Variants in INTS7 observed in about 807,000 individuals in gnomAD.
INTS7 encodes integrator complex subunit 7, also known as chromosome 1 open reading frame 73.
In INTS7, 46 loss-of-function variants were observed where a neutral mutation model predicts 109.2. The observed-to-expected ratio is 0.42, with a 90% CI of 0.33 to 0.54. The LOEUF is 0.54. Ranked by LOEUF, INTS7 falls within the 20% of genes least tolerant of loss-of-function variation. The pLI is 0.07. For synonymous variants in INTS7, 412 were observed against 402.9 expected, an observed-to-expected ratio of 1.02 and a Z score of -0.27; for missense variants, 929 against 1,132.4, an observed-to-expected ratio of 0.82 and a Z score of 2.58.
intron 8 of INTS7, among the ~76,000 whole-genome samples, 171 bp downstream of exon 8, chr1:211,987,715 T>C (rs1432271289): frequency 6.6e-6 from 1 of 152,172 alleles, no homozygotes; most frequent in Non-Finnish European, 1.5e-5. Context: ...CGAGATGTTG[T>C]TATCATAGGC....
Position 212,035,331 on chromosome 1 carries a change from C to G in INTS7, c.94+13G>C. ...ACGCCTGTTTCACCCATTCAGCCCT[C>G]TCTTTCGAATACCTTTGTCCAATTC... On this transcript the variant is annotated intron_variant, in intron 1 of 19. Coordinates refer to ENST00000366994, the MANE Select transcript of INTS7 (RefSeq NM_015434.4). 1 of 1,583,206 alleles carries G rather than the reference C, an allele frequency of 6.3e-7. No individual in the cohort carries two copies.
chr1:211,946,819 ACC>A lies in INTS7; in HGVS notation c.2317-116_2317-115del. ...CATATAGATTATTACAAAGGTACAT[ACC>A]AATCAAGAACTAGGCATCACATCCA... is the stretch of plus-strand genomic sequence containing the variant. On this transcript the variant is annotated intron_variant, in intron 17 of 19. Transcript: ENST00000366994. The surrounding 1 kb of genome is among the most constrained non-coding windows in gnomAD (Gnocchi z 4.3). The A allele has an allele frequency of 1.6e-6, 1 of 623,596 alleles. No homozygotes were observed. Among genetic ancestry groups the A allele is most frequent in the Middle Eastern group, 3.3e-4 (1 of 3,032 alleles). The allele number at this position is 623,596 out of a possible 1,614,324, so 38.6% of individuals were successfully genotyped here.
intron 8 of INTS7, 45 bp downstream of exon 8, chr1:211,987,841 G>A (rs1224290399): frequency 9.2e-7 from 1 of 1,088,786 alleles, no homozygotes. Flanking sequence ...TATGGATAAA[G>A]GAGTTAGCAC....
At chr1:211,966,978 G>A (rs751316777) in intron 15 of INTS7, among the ~76,000 whole-genome samples, 5 of 152,130 alleles carry the variant, frequency 3.3e-5, no homozygotes, top group Non-Finnish European at 5.9e-5. Context: ...CACATTTTGG[G>A]TGTCTCTGTA....
At chr1:212,017,050 A>G in intron 3 of INTS7, 27 bp from the exon 4 acceptor site, 1 of 1,536,390 alleles carries the variant, frequency 6.5e-7, no homozygotes, top group Non-Finnish European at 8.7e-7. Flanking sequence ...ACCCAAGAAG[A>G]TCGGGCATAA....
chr1:211,996,922 G>T (rs1319002431), intron 7 of INTS7, among the ~76,000 whole-genome samples: 5 of 152,082 alleles, frequency 3.3e-5, no homozygotes, highest in Non-Finnish European at 7.4e-5. Flanking sequence ...TCCTTGGTAG[G>T]TTGAAGTGTG....
At chr1:212,020,593 A>G in intron 2 of INTS7, 1 of 275,756 alleles carries the variant, frequency 3.6e-6, no homozygotes, top group Non-Finnish European at 5.9e-6. Flanking sequence ...CTTATTCCAC[A>G]ACTTCTTTTC....
rs1662603700 is a variant in INTS7, at chr1:211,941,026, T to C, written c.*798A>G. ...ATGTGGTTGAACTAATACAGCAGGATGTTTCAATACTGTTAGACTGTGGGC... is the reference window on the plus strand; with the variant it reads ...ATGTGGTTGAACTAATACAGCAGGACGTTTCAATACTGTTAGACTGTGGGC... On this transcript the variant is annotated 3_prime_UTR_variant, in exon 20 of 20. Transcript: ENST00000366994. 1 of 152,232 alleles carries C rather than the reference T, an allele frequency of 6.6e-6. No individual in the cohort carries two copies. Among genetic ancestry groups the C allele is most frequent in the South Asian group, 2.1e-4 (1 of 4,824 alleles). 9.4% of individuals were successfully genotyped at this position (152,232 alleles called of 1,614,324 possible). A position where few individuals can be genotyped will look rare whatever the true frequency, so the allele number is the denominator to read the frequency against.
chr1:211,979,437 A>G (rs148493322), intron 10 of INTS7, among the ~76,000 whole-genome samples: 2,158 of 152,340 alleles, frequency 0.014, 25 homozygotes, highest in Middle Eastern at 0.082. Flanking sequence ...TCTGATGTGT[A>G]TAAGAGGAGA....
chr1:211,975,805 A>G (rs1375819954), intron 12 of INTS7, among the ~76,000 whole-genome samples: 2 of 152,206 alleles, frequency 1.3e-5, no homozygotes, highest in Non-Finnish European at 2.9e-5. Context: ...AATGTCCTGC[A>G]GTGCTTGGGA....
intron 8 of INTS7, among the ~76,000 whole-genome samples, 182 bp from the exon 9 acceptor site, chr1:211,982,992 T>C (rs1021691754): frequency 3.3e-5 from 5 of 152,168 alleles, no homozygotes; most frequent in East Asian, 1.9e-4. Context: ...GTACTTGAAA[T>C]AGGTATGTGC....
chr1:211,960,937 C>T (rs1663596866), intron 16 of INTS7, among the ~76,000 whole-genome samples: 1 of 151,872 alleles, frequency 6.6e-6, no homozygotes, highest in Non-Finnish European at 1.5e-5. Context: ...ATCACTTGAA[C>T]CTGAGAGGCA....
intron 7 of INTS7, among the ~76,000 whole-genome samples, chr1:211,997,405 G>T (rs529081317): frequency 1.3e-5 from 2 of 151,356 alleles, no homozygotes; most frequent in African/African-American, 4.9e-5. Flanking sequence ...GCATGGTGGC[G>T]TGTACCTGTA....
rs757379619 is a variant in INTS7 at position 211,975,227 on chromosome 1, G to A, written c.1754C>T (p.Ser585Leu). ...LTGLQEENYS[S>L]ALSCIAESLK... ...AGATTCAGCAATGCAAGAAAGTGCT[G>A]AACTATAATTTTCCTCTTGCAACCC... is the stretch of plus-strand genomic sequence containing the variant. The change falls in exon 13 of 20, where the codon TCA becomes TTA. Residue 585 changes from serine to leucine, a missense_variant. This residue lies in a region of INTS7 where 787 missense variants were observed against 901.1 expected (regional missense o/e 0.87). Coordinates refer to ENST00000366994, the MANE Select transcript of INTS7 (RefSeq NM_015434.4). The A allele has an allele frequency of 1.7e-5, 27 of 1,613,764 alleles. No homozygotes were observed. Among genetic ancestry groups the A allele is most frequent in the Non-Finnish European group, 2.0e-5 (24 of 1,179,820 alleles).
intron 17 of INTS7, 112 bp downstream of exon 17, chr1:211,952,457 A>G (rs745547162): frequency 1.0e-5 from 11 of 1,066,730 alleles, no homozygotes; most frequent in Non-Finnish European, 1.5e-5. Flanking sequence ...TTTTATGGAT[A>G]AGGAAACAGG....
chr1:212,031,168 T>C (rs1413010361), intron 1 of INTS7, among the ~76,000 whole-genome samples: 1 of 152,190 alleles, frequency 6.6e-6, no homozygotes, highest in Admixed American at 6.5e-5. Context: ...CATCTCATCC[T>C]TTCCAAGGTC....
chr1:212,025,089 C>T (rs918029058), intron 1 of INTS7, among the ~76,000 whole-genome samples: 1 of 152,214 alleles, frequency 6.6e-6, no homozygotes, highest in Non-Finnish European at 1.5e-5. Context: ...GTTATTCTCC[C>T]TCTCTAAACA....
rs960285826 is a variant in INTS7, at chr1:212,035,492, G to C, written c.-55C>G. 1.5e-6 allele frequency: 2 copies of C among 1,304,980 alleles called. No individual in the cohort carries two copies. Among genetic ancestry groups the C allele is most frequent in the Middle Eastern group, 1.8e-4 (1 of 5,494 alleles). The allele number at this position is 1,304,980 out of a possible 1,614,324, so 80.8% of individuals were successfully genotyped here. On this transcript the variant is annotated 5_prime_UTR_variant, in exon 1 of 20. Transcript: ENST00000366994. ...CAGAAAGCTTGCAAACTCTACCCCA[G>C]GACCGCCATCTTCCCCCGCCGCCTT...
chr1:212,019,260 AT>A (rs1666586943), intron 3 of INTS7, among the ~76,000 whole-genome samples: 3 of 152,164 alleles, frequency 2.0e-5, no homozygotes, highest in Admixed American at 6.5e-5. Flanking sequence ...CAATAAATAA[AT>A]TAATTAATTA....
Sources: gnomAD v4.1 joint callset for allele counts (sites outside exome capture counted in the v4.1 genomes callset) on GRCh38, gnomAD v4.1.1 for gene constraint, gnomAD v4.1.1 regional missense constraint, Gnocchi (gnomAD v3.1) non-coding constraint, MANE v1.5 for transcripts, NCBI Gene and HGNC (gene_info 2026-07-23, HGNC 2026-07-21) for gene names.